PTPRD: variants seen among roughly 807,000 people sequenced by gnomAD.
The protein encoded by PTPRD is protein tyrosine phosphatase receptor type D, also known as receptor-type tyrosine-protein phosphatase delta.
Under a neutral mutation model 214.5 loss-of-function variants are expected in PTPRD, and 34 were observed. That is an observed-to-expected ratio of 0.16 (90% CI 0.12 to 0.21). PTPRD has a LOEUF of 0.21. Ranked by LOEUF, PTPRD falls within the 10% of genes least tolerant of loss-of-function variation. The pLI is 1.00. For missense variants in PTPRD, 2,545 were observed against 2,398.7 expected (o/e 1.06, Z -1.27); for synonymous variants, 1,128 against 845.7 (o/e 1.33, Z -5.79).
intron 7 of PTPRD, among the ~76,000 whole-genome samples, chr9:9,595,963 A>G (rs1029009222): frequency 2.6e-5 from 4 of 152,010 alleles, no homozygotes; most frequent in East Asian, 1.9e-4. Context: ...AAAATAAAAA[A>G]TAAATTAAAT....
chr9:10,208,505 C>T (rs1422751682), intron 3 of PTPRD, among the ~76,000 whole-genome samples: 1 of 152,206 alleles, frequency 6.6e-6, no homozygotes, highest in Non-Finnish European at 1.5e-5. Flanking sequence ...CAGAGCGAGA[C>T]TGCGTCTCAA....
intron 39 of PTPRD, among the ~76,000 whole-genome samples, chr9:8,363,779 C>A (rs537615577): frequency 1.3e-5 from 2 of 152,254 alleles, no homozygotes; most frequent in African/African-American, 2.4e-5. Flanking sequence ...CAGCCCCCAC[C>A]CCCAGCTATG....
At chr9:9,181,662 A>C (rs2131432862) in intron 10 of PTPRD, among the ~76,000 whole-genome samples, 1 of 152,142 alleles carries the variant, frequency 6.6e-6, no homozygotes, top group East Asian at 1.9e-4. Flanking sequence ...CAGTTTACTT[A>C]ATATCAAATG....
intron 2 of PTPRD, among the ~76,000 whole-genome samples, chr9:10,368,262 G>A (rs1281863194): frequency 1.3e-5 from 2 of 152,054 alleles, no homozygotes; most frequent in Non-Finnish European, 2.9e-5. Flanking sequence ...GAAAAAAAGA[G>A]AGTAAATGTA....
At chr9:8,775,226 C>T (rs1234731627) in intron 11 of PTPRD, among the ~76,000 whole-genome samples, 1 of 152,074 alleles carries the variant, frequency 6.6e-6, no homozygotes, top group Non-Finnish European at 1.5e-5. Flanking sequence ...AACAACATTT[C>T]AGGGGGGTCT....
At chr9:9,883,160 AGG>A (rs1444004439) in intron 5 of PTPRD, among the ~76,000 whole-genome samples, 43 of 152,192 alleles carry the variant, frequency 2.8e-4, no homozygotes, top group African/African-American at 1.0e-3. Context: ...ACCCCCCAAG[AGG>A]CGAACTCCCA....
intron 12 of PTPRD, among the ~76,000 whole-genome samples, chr9:8,647,379 G>T (rs544194920): frequency 6.6e-6 from 1 of 152,202 alleles, no homozygotes; most frequent in South Asian, 2.1e-4. Context: ...AATTTTCCAT[G>T]CTTATTTTAC....
At chr9:9,998,246 G>A (rs2096214482) in intron 4 of PTPRD, among the ~76,000 whole-genome samples, 1 of 151,074 alleles carries the variant, frequency 6.6e-6, no homozygotes, top group South Asian at 2.1e-4. Context: ...GCCCTCGGAG[G>A]TGGAGGTCAC....
intron 3 of PTPRD, among the ~76,000 whole-genome samples, chr9:10,103,952 G>A (rs1404176389): frequency 6.6e-6 from 1 of 151,606 alleles, no homozygotes; most frequent in Non-Finnish European, 1.5e-5. Flanking sequence ...AATAAAATGT[G>A]GTATATCCAT....
chr9:8,943,773 T>G (rs1360233695), intron 11 of PTPRD, among the ~76,000 whole-genome samples: 1 of 151,316 alleles, frequency 6.6e-6, no homozygotes, highest in Non-Finnish European at 1.5e-5. Flanking sequence ...GTTAAAAACT[T>G]AAATCTAAGA....
At chr9:10,214,423 C>T (rs2099531393) in intron 3 of PTPRD, among the ~76,000 whole-genome samples, 1 of 136,898 alleles carries the variant, frequency 7.3e-6, no homozygotes, top group Admixed American at 8.1e-5. Context: ...ATTACCAAGC[C>T]CAACTATTTT....
chr9:9,769,048 A>C (rs1379665867), intron 5 of PTPRD, among the ~76,000 whole-genome samples: 1 of 151,786 alleles, frequency 6.6e-6, no homozygotes, highest in Non-Finnish European at 1.5e-5. Flanking sequence ...ACTATTTAAG[A>C]TTGGTTTAAT....
intron 6 of PTPRD, among the ~76,000 whole-genome samples, chr9:9,744,207 C>T (rs550963483): frequency 1.3e-5 from 2 of 152,150 alleles, no homozygotes; most frequent in South Asian, 2.1e-4. Flanking sequence ...AACGATATAT[C>T]GTCAAGGAGA....
chr9:8,526,234 T>A (rs1457530094), intron 17 of PTPRD, among the ~76,000 whole-genome samples: 1 of 149,498 alleles, frequency 6.7e-6, no homozygotes, highest in Non-Finnish European at 1.5e-5. Flanking sequence ...ATGATCTTTT[T>A]TTTTCTCCGG....
intron 22 of PTPRD, 104 bp from the exon 23 acceptor site, chr9:8,504,509 T>A: frequency 1.5e-6 from 2 of 1,290,844 alleles, no homozygotes; most frequent in South Asian, 1.4e-5. Context: ...GATTATAATC[T>A]CATCAAAATA....
At chr9:10,366,021 G>C (rs1413709061) in intron 2 of PTPRD, among the ~76,000 whole-genome samples, 1 of 152,134 alleles carries the variant, frequency 6.6e-6, no homozygotes, top group Non-Finnish European at 1.5e-5. Context: ...CCAAGAGAAA[G>C]GAAAAGCCAT....
At chr9:8,435,504 C>T (rs1358865065) in intron 35 of PTPRD, among the ~76,000 whole-genome samples, 4 of 152,042 alleles carry the variant, frequency 2.6e-5, no homozygotes, top group Admixed American at 6.6e-5. Flanking sequence ...TACCCAATAA[C>T]CTTTTATTAT....
At chr9:10,089,825 G>A (rs1340491521) in intron 3 of PTPRD, among the ~76,000 whole-genome samples, 1 of 151,598 alleles carries the variant, frequency 6.6e-6, no homozygotes, top group African/African-American at 2.4e-5. Flanking sequence ...CAGAAAACTT[G>A]TAAAATCTTT....
intron 4 of PTPRD, among the ~76,000 whole-genome samples, chr9:10,028,989 C>A (rs577543901): frequency 6.6e-6 from 1 of 152,176 alleles, no homozygotes; most frequent in South Asian, 2.1e-4. Context: ...GGGCTGTGTG[C>A]CGCCTAGGGA....
Sources: gnomAD v4.1 joint callset for allele counts (sites outside exome capture counted in the v4.1 genomes callset) on GRCh38, gnomAD v4.1.1 for gene constraint, MANE v1.5 for transcripts, NCBI Gene and HGNC (gene_info 2026-07-23, HGNC 2026-07-21) for gene names.